HLA-DRB1: variants seen among roughly 807,000 people sequenced by gnomAD.
The protein encoded by HLA-DRB1 is major histocompatibility complex, class II, DR beta 1, also known as major histocompatibility complex, class II, DR beta 1 precursor.
In HLA-DRB1, 10 loss-of-function variants were observed where a neutral mutation model predicts 27.9. That is an observed-to-expected ratio of 0.36 (90% CI 0.22 to 0.61). The LOEUF (loss-of-function observed/expected upper bound fraction) is 0.61. Ranked by LOEUF, HLA-DRB1 falls within the 20% of genes least tolerant of loss-of-function variation. The probability of loss-of-function intolerance (pLI) is 0.73; values close to 1 mark genes in which losing one functional copy is unlikely to be tolerated. For synonymous variants in HLA-DRB1, 57 were observed against 126.7 expected, an observed-to-expected ratio of 0.45 and a Z score of 3.69; for missense variants, 118 against 306.3, an observed-to-expected ratio of 0.39 and a Z score of 4.59.
chr6:32,582,454 A>G (rs9269844), intron 2 of HLA-DRB1, among the ~76,000 whole-genome samples: 61,563 of 95,246 alleles, frequency 0.65, 22,269 homozygotes, highest in Middle Eastern at 0.81. Context: ...TTAAAGCAAT[A>G]TGCATAGATA....
exon 2 of HLA-DRB1, chr6:32,584,242 C>T (rs778040505): frequency 1.3e-6 from 2 of 1,520,904 alleles, no homozygotes; most frequent in South Asian, 2.3e-5. Context: ...CCAGCTCCGT[C>T]ACCGCCCGGA....
chr6:32,589,436 G>GTAGGCCCTTTACACAAATCTCATGGA (rs1777031764), intron 1 of HLA-DRB1, among the ~76,000 whole-genome samples: 2 of 64,274 alleles, frequency 3.1e-5, no homozygotes, highest in African/African-American at 6.2e-5. Context: ...AATGATTTGT[G>GTAGGCCCTTTACACAAATCTCATGGA]CAAAGGCCCC....
intron 3 of HLA-DRB1, 142 bp from the exon 4 acceptor site, chr6:32,580,998 G>A: frequency 3.5e-6 from 2 of 570,514 alleles, no homozygotes; most frequent in Non-Finnish European, 5.6e-6. Context: ...GAGAAAAAAA[G>A]GATTTCAAAT....
At chr6:32,582,251 T>A (rs143914660) in intron 2 of HLA-DRB1, among the ~76,000 whole-genome samples, 1,746 of 145,562 alleles carry the variant, frequency 0.012, 78 homozygotes, top group South Asian at 0.039. Flanking sequence ...AGGATAATTA[T>A]ACTAATTTAC....
chr6:32,586,668 G>A (rs9270094), intron 1 of HLA-DRB1, among the ~76,000 whole-genome samples: 12,194 of 41,284 alleles, frequency 0.3, 2,923 homozygotes, highest in Non-Finnish European at 0.32. Context: ...CTGAAGCCCT[G>A]GCCTCACCAT....
At chr6:32,584,435 C>A in intron 1 of HLA-DRB1, 57 bp from the exon 2 acceptor site, 4 of 701,516 alleles carry the variant, frequency 5.7e-6, no homozygotes, top group South Asian at 3.6e-5. Context: ...ACACGGACAG[C>A]GACGCCACCA....
intron 2 of HLA-DRB1, 134 bp downstream of exon 2, chr6:32,583,973 GCT>G (rs869160196): frequency 1.8e-3 from 592 of 326,382 alleles, no homozygotes; most frequent in East Asian, 3.7e-3. Flanking sequence ...CACAGATGGC[GCT>G]CTCTCTCTCT....
chr6:32,582,376 C>G (rs1775672564), intron 2 of HLA-DRB1, among the ~76,000 whole-genome samples: 1 of 123,762 alleles, frequency 8.1e-6, no homozygotes, highest in East Asian at 2.3e-4. Flanking sequence ...TGAGGGCACT[C>G]ATCACACTTG....
intron 1 of HLA-DRB1, among the ~76,000 whole-genome samples, chr6:32,587,954 A>AC (rs1776739691): frequency 6.8e-6 from 1 of 148,010 alleles, no homozygotes; most frequent in Non-Finnish European, 1.5e-5. Context: ...TGAATAAACC[A>AC]GGGTATGGGA....
At chr6:32,581,343 G>A (rs1775449211) in intron 3 of HLA-DRB1, among the ~76,000 whole-genome samples, 12 of 89,588 alleles carry the variant, frequency 1.3e-4, no homozygotes, top group East Asian at 3.0e-4. Context: ...AAGAGGGACA[G>A]TCTCTCCCGC....
chr6:32,588,674 C>T lies in HLA-DRB1; in HGVS notation c.100+969G>A, dbSNP rs13212080. On this transcript the variant is annotated intron_variant, in intron 1 of 5. Coordinates refer to ENST00000360004, the Ensembl canonical transcript of HLA-DRB1. ...AAGACAATGAGTTCCCAAGACTTGC[C>T]CATTGACTTTCAGCCCTATGAGACG... 7.8e-3 allele frequency among the ~76,000 whole-genome samples: 431 copies of T among 55,246 alleles called. 13 individuals carry two copies. The highest frequency in any genetic ancestry group is 0.029 in the Middle Eastern group (2 of 68). The allele number at this position is 55,246 out of a possible 152,430, so 36.2% of individuals were successfully genotyped here.
Position 32,589,452 on chromosome 6 carries a change from CA to C in HLA-DRB1, c.100+190del, listed in dbSNP as rs546930109. 8.9e-3 allele frequency among the ~76,000 whole-genome samples: 650 copies of C among 73,352 alleles called. 1 individual carries two copies. The highest frequency in any genetic ancestry group is 0.068 in the East Asian group (143 of 2,094). 48.1% of individuals were successfully genotyped at this position (73,352 alleles called of 152,430 possible). A position where few individuals can be genotyped will look rare whatever the true frequency, so the allele number is the denominator to read the frequency against. On this transcript the variant is annotated intron_variant, in intron 1 of 5. Coordinates refer to ENST00000360004, the Ensembl canonical transcript of HLA-DRB1. ...ATGATTTGTGCAAAGGCCCCTTACA[CA>C]AGTCTCATGAAGAGGGCAAGTACCC...
At chr6:32,582,610 C>T (rs1775720153) in intron 2 of HLA-DRB1, among the ~76,000 whole-genome samples, 1 of 102,632 alleles carries the variant, frequency 9.7e-6, no homozygotes, top group Non-Finnish European at 2.0e-5. Context: ...TTTTTACTTT[C>T]CTAGAAAAGC....
chr6:32,588,268 C>A (rs372046326), intron 1 of HLA-DRB1, among the ~76,000 whole-genome samples: 2 of 133,994 alleles, frequency 1.5e-5, no homozygotes. Context: ...CCAGCCTGGG[C>A]AACATGGCAA....
At chr6:32,585,383 T>C (rs112747670) in intron 1 of HLA-DRB1, among the ~76,000 whole-genome samples, 1 of 117,228 alleles carries the variant, frequency 8.5e-6, no homozygotes, top group African/African-American at 3.3e-5. Context: ...TCTACTTGGG[T>C]CAATTTTTAC....
intron 1 of HLA-DRB1, 56 bp downstream of exon 1, chr6:32,589,586 CA>C: frequency 2.1e-6 from 1 of 484,668 alleles, no homozygotes; most frequent in Non-Finnish European, 3.1e-6. Context: ...ACAATGTTAA[CA>C]AAACTCCCTA....
chr6:32,587,668 G>A (rs41287343), intron 1 of HLA-DRB1, among the ~76,000 whole-genome samples: 18,986 of 71,490 alleles, frequency 0.27, 3,644 homozygotes, highest in Middle Eastern at 0.42. Context: ...TCAGCTGAAT[G>A]TCACTTTCTC....
At chr6:32,582,951 A>C (rs28724027) in intron 2 of HLA-DRB1, among the ~76,000 whole-genome samples, 6,005 of 114,444 alleles carry the variant, frequency 0.052, no homozygotes, top group Admixed American at 0.091. Context: ...CATTAATAAA[A>C]ATGTTGCAAT....
At chr6:32,586,320 G>T (rs9270071) in intron 1 of HLA-DRB1, among the ~76,000 whole-genome samples, 30 of 80,082 alleles carry the variant, frequency 3.7e-4, no homozygotes, top group East Asian at 1.7e-3. Context: ...CTCTTCAAAT[G>T]GTCCAATCCA....
Sources: allele counts gnomAD v4.1 joint callset (sites outside exome capture counted in the v4.1 genomes callset), GRCh38; gene constraint gnomAD v4.1.1; transcripts MANE v1.5; gene names NCBI Gene and HGNC (gene_info 2026-07-23, HGNC 2026-07-21).